IQGAP2: variants seen among roughly 807,000 people sequenced by gnomAD.
IQGAP2 encodes IQ motif containing GTPase activating protein 2, also known as ras GTPase-activating-like protein IQGAP2.
IQGAP2 carries 173 observed loss-of-function variants against 201.3 expected under a neutral mutation model. The observed-to-expected ratio is 0.86, with a 90% CI of 0.76 to 0.98. IQGAP2 has a LOEUF of 0.98. Ranked by LOEUF, IQGAP2 falls within the 50% of genes least tolerant of loss-of-function variation. IQGAP2 has a pLI of 0.00. For synonymous variants in IQGAP2, 675 were observed against 673.9 expected (o/e 1.00, Z -0.03); for missense variants, 1,687 against 1,864.8 (o/e 0.90, Z 1.76).
chr5:76,444,846 C>T (rs1462377988), intron 1 of IQGAP2, among the ~76,000 whole-genome samples: 5 of 151,974 alleles, frequency 3.3e-5, no homozygotes, highest in South Asian at 2.1e-4. Flanking sequence ...CATAGACTAT[C>T]GGCTTAAGTG....
At position 76,478,932 on chromosome 5, in the gene IQGAP2, G is replaced by A. The variant is rs191233880; in HGVS notation, c.146+17263G>A. Among the ~76,000 whole-genome samples, 4 of 152,170 alleles carry A rather than the reference G, an allele frequency of 2.6e-5. No homozygotes were observed. The East Asian group carries it at 7.8e-4, about 30-fold the overall frequency. On this transcript the variant is annotated intron_variant, in intron 2 of 35. Coordinates refer to ENST00000274364, the MANE Select transcript of IQGAP2 (RefSeq NM_006633.5). ...ATTTTCTGTACCTAGTTCATACTTG[G>A]GGTTTATTGTACCATCTGGGAGAAA...
At chr5:76,489,770 A>G (rs1756423462) in intron 2 of IQGAP2, among the ~76,000 whole-genome samples, 1 of 152,188 alleles carries the variant, frequency 6.6e-6, no homozygotes, top group East Asian at 1.9e-4. Flanking sequence ...TCCAGCCCAC[A>G]TACACTTTTA....
intron 1 of IQGAP2, among the ~76,000 whole-genome samples, chr5:76,422,784 A>G (rs1183372468): frequency 6.6e-6 from 1 of 152,246 alleles, no homozygotes; most frequent in Non-Finnish European, 1.5e-5. Context: ...ACTTTCTGCC[A>G]GGTTAATCTC....
Position 76,637,120 on chromosome 5 carries a change from G to A in IQGAP2, c.1867G>A (p.Val623Ile), listed in dbSNP as rs1350967088. ...CACTGATTCAAAAGAGAGTTCCTGG[G>A]TCACACCTGAATCATGCTTGTATAA... ...YNTDSKESSWVTPESCLYKES... is the reference protein window; with the variant it reads ...YNTDSKESSWITPESCLYKES... The change falls in exon 16 of 36, where the codon GTC becomes ATC. Residue 623 changes from valine to isoleucine, a missense_variant. Physicochemically the swap from Val to Ile is conservative, Grantham distance 29. Transcript: ENST00000274364. The A allele has an allele frequency of 1.2e-6, 2 of 1,611,772 alleles. No homozygotes were observed. The highest frequency in any genetic ancestry group is 2.2e-5 in the East Asian group (1 of 44,818).
At chr5:76,646,224 T>C (rs1022411582) in intron 17 of IQGAP2, among the ~76,000 whole-genome samples, 1 of 152,234 alleles carries the variant, frequency 6.6e-6, no homozygotes, top group Non-Finnish European at 1.5e-5. Flanking sequence ...TAGTTTCTGT[T>C]GTGCTGTTGG....
intron 1 of IQGAP2, among the ~76,000 whole-genome samples, chr5:76,433,617 G>T (rs1752497101): frequency 6.6e-6 from 1 of 152,076 alleles, no homozygotes; most frequent in Admixed American, 6.6e-5. Context: ...TCATGTCTTT[G>T]TAAAATTTCT....
intron 2 of IQGAP2, among the ~76,000 whole-genome samples, chr5:76,469,823 A>G (rs1755007054): frequency 6.6e-6 from 1 of 152,218 alleles, no homozygotes; most frequent in African/African-American, 2.4e-5. Context: ...TGAAGGATTC[A>G]GATGAAGTGG....
intron 2 of IQGAP2, among the ~76,000 whole-genome samples, chr5:76,463,878 C>T (rs1314159615): frequency 6.7e-6 from 1 of 149,352 alleles, no homozygotes; most frequent in Non-Finnish European, 1.5e-5. Context: ...GATGGAGTCT[C>T]ACTCTGTCGC....
intron 10 of IQGAP2, among the ~76,000 whole-genome samples, chr5:76,599,296 A>G (rs905575926): frequency 6.6e-6 from 1 of 152,078 alleles, no homozygotes; most frequent in African/African-American, 2.4e-5. Flanking sequence ...AAAATAGCTT[A>G]TTTTCTTAAT....
At chr5:76,532,316 G>A (rs1759350134) in intron 2 of IQGAP2, among the ~76,000 whole-genome samples, 1 of 152,086 alleles carries the variant, frequency 6.6e-6, no homozygotes, top group South Asian at 2.1e-4. Context: ...AGTCCAGTCT[G>A]GGTAACATAA....
intron 3 of IQGAP2, among the ~76,000 whole-genome samples, chr5:76,568,033 A>T (rs571281806): frequency 2.6e-5 from 4 of 152,358 alleles, no homozygotes; most frequent in African/African-American, 7.2e-5. Context: ...CTTGTTAAAG[A>T]TGATTATAGT....
chr5:76,681,247 A>G (rs1313195403), intron 28 of IQGAP2, among the ~76,000 whole-genome samples: 1 of 152,138 alleles, frequency 6.6e-6, no homozygotes, highest in Non-Finnish European at 1.5e-5. Flanking sequence ...ATATTGGACA[A>G]TTACACATCA....
chr5:76,648,628 AAGCAATT>A (rs1286716197), intron 17 of IQGAP2, among the ~76,000 whole-genome samples: 1 of 152,224 alleles, frequency 6.6e-6, no homozygotes, highest in African/African-American at 2.4e-5. Flanking sequence ...ATGTTAAAAT[AAGCAATT>A]AGCAATTACT....
At chr5:76,603,422 T>A (rs1045574418) in intron 11 of IQGAP2, among the ~76,000 whole-genome samples, 2 of 152,126 alleles carry the variant, frequency 1.3e-5, no homozygotes, top group Admixed American at 6.5e-5. Context: ...TTTTCCTTCA[T>A]CTATAAAGCA....
At chr5:76,648,428 AC>A (rs1206972159) in intron 17 of IQGAP2, among the ~76,000 whole-genome samples, 1 of 152,146 alleles carries the variant, frequency 6.6e-6, no homozygotes, top group Admixed American at 6.5e-5. Flanking sequence ...AAGATCCAGG[AC>A]CCCAAACTAC....
chr5:76,689,713 GAGCA>G lies in IQGAP2; in HGVS notation c.3906-3641_3906-3638del, dbSNP rs373845102. On this transcript the variant is annotated intron_variant, in intron 30 of 35. Coordinates refer to ENST00000274364, the MANE Select transcript of IQGAP2 (RefSeq NM_006633.5). ...CTTGTTTTTTGGTCCAAACTAGCAG[GAGCA>G]CTAAATGGCTAAGGTGATATTTGAG... Among the ~76,000 whole-genome samples, 504 of 152,262 alleles carry G rather than the reference GAGCA, an allele frequency of 3.3e-3. 1 individual carries two copies. The highest frequency in any genetic ancestry group is 0.012 in the African/African-American group (484 of 41,542).
chr5:76,707,277 C>A lies in IQGAP2; in HGVS notation c.4692C>A (p.Leu1564=). The A allele has an allele frequency of 6.4e-7, 1 of 1,571,674 alleles. No homozygotes were observed. Among genetic ancestry groups the A allele is most frequent in the Non-Finnish European group, 8.8e-7 (1 of 1,141,526 alleles). ...FDKVKVNVNL[L]IYLLNKKFYG... ...AGGTTAAAGTGAATGTAAACCTTCT[C>A]ATATACCTGCTGAACAAGAAGTTCT... Residue 1564 remains leucine, a synonymous_variant, in exon 36 of 36, where the codon CTC becomes CTA. Transcript: ENST00000274364.
rs111699985 is a variant in IQGAP2, at chr5:76,677,454, A to G, written c.3660+104A>G. ...CAGGACTTATTGTACACATGTGCTA[A>G]TACTCATATTCTTAACCCTAAAAAT... On this transcript the variant is annotated intron_variant, in intron 28 of 35. Transcript: ENST00000274364. 4.4e-5 allele frequency: 44 copies of G among 992,714 alleles called. No homozygotes were observed. In the African/African-American group the frequency reaches 5.2e-4, roughly 12 times the overall value. The allele number at this position is 992,714 out of a possible 1,614,324, so 61.5% of individuals were successfully genotyped here. A position where few individuals can be genotyped will look rare whatever the true frequency, so the allele number is the denominator to read the frequency against.
chr5:76,642,276 C>T (rs1258480751), intron 17 of IQGAP2, among the ~76,000 whole-genome samples: 1 of 152,112 alleles, frequency 6.6e-6, no homozygotes, highest in Non-Finnish European at 1.5e-5. Context: ...AGCAGTGTTG[C>T]AGTTGGAAGA....
Sources: allele counts gnomAD v4.1 joint callset (sites outside exome capture counted in the v4.1 genomes callset), GRCh38; gene constraint gnomAD v4.1.1; transcripts MANE v1.5; gene names NCBI Gene and HGNC (gene_info 2026-07-23, HGNC 2026-07-21).